CCDC88C: variants seen among roughly 807,000 people sequenced by gnomAD.
The protein encoded by CCDC88C is coiled-coil and HOOK domain protein 88C, also known as protein Daple.
A neutral mutation model predicts 198.8 loss-of-function variants in CCDC88C; 131 were observed. That is an observed-to-expected ratio of 0.66 (90% CI 0.57 to 0.76). The LOEUF (loss-of-function observed/expected upper bound fraction) is 0.76, where lower values mean the gene tolerates loss of function less well. Ranked by LOEUF, CCDC88C falls within the 30% of genes least tolerant of loss-of-function variation. The probability of loss-of-function intolerance (pLI) is 0.00; values close to 1 mark genes in which losing one functional copy is unlikely to be tolerated. For missense variants in CCDC88C, 2,553 were observed against 2,631.6 expected (o/e 0.97, Z 0.65); for synonymous variants, 1,166 against 1,114.7 (o/e 1.05, Z -0.92).
intron 3 of CCDC88C, chr14:91,379,777 G>A (rs1202096033): frequency 5.7e-6 from 4 of 700,588 alleles, no homozygotes; most frequent in African/African-American, 3.5e-5. Context: ...CCTCCTGCGG[G>A]GGTGTCTTGT....
At chr14:91,416,915 G>C (rs1337990524) in intron 1 of CCDC88C, 77 bp from the exon 2 acceptor site, 3 of 1,029,746 alleles carry the variant, frequency 2.9e-6, no homozygotes, top group Non-Finnish European at 4.4e-6. Flanking sequence ...CTCCCAGGCA[G>C]AGACTGGACG....
Position 91,299,915 on chromosome 14 carries a change from G to A in CCDC88C, c.3779+12C>T, listed in dbSNP as rs746146162. The A allele has an allele frequency of 1.8e-5, 28 of 1,576,084 alleles. 1 individual carries two copies. In the Admixed American group the frequency reaches 4.1e-4, roughly 23 times the overall value. On this transcript the variant is annotated intron_variant, in intron 21 of 29. Coordinates refer to ENST00000389857, the MANE Select transcript of CCDC88C (RefSeq NM_001080414.4). ...GGTGCTGCTATGTGCAGGGCCGGGC[G>A]CCGGCGCTCACCTGTCCAGCTCGCC...
At chr14:91,330,281 G>A (rs1003221426) in intron 10 of CCDC88C, among the ~76,000 whole-genome samples, 1 of 152,254 alleles carries the variant, frequency 6.6e-6, no homozygotes, top group African/African-American at 2.4e-5. Flanking sequence ...CCCTGACCTG[G>A]CCGCAGAGTC....
At chr14:91,314,265 T>A in intron 14 of CCDC88C, 115 bp from the exon 15 acceptor site, 1 of 803,884 alleles carries the variant, frequency 1.2e-6, no homozygotes, top group Non-Finnish European at 2.0e-6. Flanking sequence ...CTACCTGTGC[T>A]CAGACACTGC....
Position 91,352,355 on chromosome 14 carries a change from TGCACCTTCC to T in CCDC88C, c.340+7278_340+7286del, listed in dbSNP as rs758538380. Among the ~76,000 whole-genome samples, 7 of 152,210 alleles carry T rather than the reference TGCACCTTCC, an allele frequency of 4.6e-5. No individual in the cohort carries two copies. The highest frequency in any genetic ancestry group is 1.0e-4 in the Non-Finnish European group (7 of 68,040). ...GCTGGGCTTGGTGTCAGCCAAACTCTGCACCTTCCTAGGAAAGGAAAGCCTCGGCTCCTG... is the reference window on the plus strand; with the variant it reads ...GCTGGGCTTGGTGTCAGCCAAACTCTTAGGAAAGGAAAGCCTCGGCTCCTG... On this transcript the variant is annotated intron_variant, in intron 4 of 29. Transcript: ENST00000389857. This position sits in a 1 kb window ranked among gnomAD's most constrained non-coding sequence, Gnocchi z 4.2.
At chr14:91,323,832 G>A (rs1053325973) in intron 12 of CCDC88C, among the ~76,000 whole-genome samples, 3 of 152,218 alleles carry the variant, frequency 2.0e-5, no homozygotes, top group Non-Finnish European at 4.4e-5. Context: ...CAGCCCTCAG[G>A]CCCCAGAACT....
chr14:91,281,351 A>G, intron 27 of CCDC88C, 106 bp downstream of exon 27: 1 of 1,576,344 alleles, frequency 6.3e-7, no homozygotes, highest in Admixed American at 1.8e-5. Context: ...TTCCACCTTC[A>G]TTTGGTGTTG....
At chr14:91,297,163 C>T (rs1055672719) in intron 22 of CCDC88C, 142 bp downstream of exon 22, 17 of 860,322 alleles carry the variant, frequency 2.0e-5, no homozygotes, top group African/African-American at 5.1e-5. Flanking sequence ...CTGGCTTCAC[C>T]GCAGCCTCTG....
intron 3 of CCDC88C, among the ~76,000 whole-genome samples, chr14:91,394,400 G>A (rs1182124709): frequency 6.6e-6 from 1 of 152,222 alleles, no homozygotes; most frequent in Non-Finnish European, 1.5e-5. Flanking sequence ...GGGACACAGA[G>A]GAACAAGGCA....
intron 3 of CCDC88C, among the ~76,000 whole-genome samples, chr14:91,370,972 G>A (rs368102519): frequency 1.3e-3 from 197 of 152,294 alleles, no homozygotes; most frequent in African/African-American, 4.2e-3. Context: ...TCCACTCAGC[G>A]GTGTCTGCTG....
chr14:91,275,908 G>A (rs1025614899), intron 29 of CCDC88C, among the ~76,000 whole-genome samples: 7 of 131,632 alleles, frequency 5.3e-5, no homozygotes, highest in African/African-American at 1.8e-4. Context: ...TGCAAGCTCC[G>A]CCTCCCGGGT....
chr14:91,389,800 C>T lies in CCDC88C; in HGVS notation c.270+18859G>A, dbSNP rs563964969. Among the ~76,000 whole-genome samples, 997 of 150,444 alleles carry T rather than the reference C, an allele frequency of 6.6e-3. 9 individuals carry two copies. Among genetic ancestry groups the T allele is most frequent in the African/African-American group, 0.023 (937 of 41,016 alleles). ...AGAAAAGCTTTTTCTTGGCCAGGCG[C>T]GGTGGCTCACGCCTGTAATCCCAGC... On this transcript the variant is annotated intron_variant, in intron 3 of 29. Transcript: ENST00000389857.
In CCDC88C at chr14:91,339,714, C is replaced by T. The variant is rs1893224932; in HGVS notation, c.624+170G>A. Among the ~76,000 whole-genome samples, 2 of 152,182 alleles carry T rather than the reference C, an allele frequency of 1.3e-5. No individual in the cohort carries two copies. Among genetic ancestry groups the T allele is most frequent in the African/African-American group, 2.4e-5 (1 of 41,442 alleles). ...GATTCCCTGTATCCTCCCACAGGCC[C>T]GAGGTGACCATGCACTGCAGGGGCC... is the stretch of plus-strand genomic sequence containing the variant. On this transcript the variant is annotated intron_variant, in intron 7 of 29. Coordinates refer to ENST00000389857, the MANE Select transcript of CCDC88C (RefSeq NM_001080414.4). This position sits in a 1 kb window ranked among gnomAD's most constrained non-coding sequence, Gnocchi z 5.8.
At chr14:91,394,564 T>G (rs545503095) in intron 3 of CCDC88C, among the ~76,000 whole-genome samples, 1 of 152,338 alleles carries the variant, frequency 6.6e-6, no homozygotes, top group African/African-American at 2.4e-5. Context: ...AATTATTTAC[T>G]CCACTGAATG....
chr14:91,395,361 G>A (rs1321506222), intron 3 of CCDC88C, among the ~76,000 whole-genome samples: 2 of 152,070 alleles, frequency 1.3e-5, no homozygotes, highest in African/African-American at 4.8e-5. Flanking sequence ...GATCTCATTT[G>A]AGCCTCACAA....
At chr14:91,281,247 T>C (rs914767379) in intron 27 of CCDC88C, 1 of 1,292,338 alleles carries the variant, frequency 7.7e-7, no homozygotes, top group African/African-American at 1.5e-5. Context: ...ACTGTGATGC[T>C]TGGGAGGTAG....
At chr14:91,361,281 C>T (rs967936097) in intron 3 of CCDC88C, among the ~76,000 whole-genome samples, 1 of 152,272 alleles carries the variant, frequency 6.6e-6, no homozygotes, top group South Asian at 2.1e-4. Flanking sequence ...CAACTAGTTT[C>T]GTAAGTCGCT....
At position 91,339,220 on chromosome 14, in the gene CCDC88C, C is replaced by T; in HGVS notation, c.809+58G>A. On this transcript the variant is annotated intron_variant, in intron 8 of 29. Transcript: ENST00000389857. This position sits in a 1 kb window ranked among gnomAD's most constrained non-coding sequence, Gnocchi z 5.8. ...CAGCACCACACATGTGAGTCGACAC[C>T]ACACCAGAAACATGTCTGCAACACA... is the stretch of plus-strand genomic sequence containing the variant. The T allele has an allele frequency of 6.3e-7, 1 of 1,590,232 alleles. No homozygotes were observed. Among genetic ancestry groups the T allele is most frequent in the Non-Finnish European group, 8.6e-7 (1 of 1,166,298 alleles).
rs1309063758 is a variant in CCDC88C, at chr14:91,381,889, C to T, written c.271-22178G>A. 6.6e-6 allele frequency among the ~76,000 whole-genome samples: 1 copy of T among 152,064 alleles called. No homozygotes were observed. Among genetic ancestry groups the T allele is most frequent in the Non-Finnish European group, 1.5e-5 (1 of 68,014 alleles). ...ACTCAGCTCACTCCTCTCTCCAGTC[C>T]GAGCCCACCTCCCTGCCTCCTTCTT... On this transcript the variant is annotated intron_variant, in intron 3 of 29. Coordinates refer to ENST00000389857, the MANE Select transcript of CCDC88C (RefSeq NM_001080414.4). This position sits in a 1 kb window ranked among gnomAD's most constrained non-coding sequence, Gnocchi z 4.2.
Sources: allele counts gnomAD v4.1 joint callset (sites outside exome capture counted in the v4.1 genomes callset), GRCh38; gene constraint gnomAD v4.1.1; non-coding constraint Gnocchi (gnomAD v3.1); transcripts MANE v1.5; gene names NCBI Gene and HGNC (gene_info 2026-07-23, HGNC 2026-07-21).